BIN1: variants seen among roughly 807,000 people sequenced by gnomAD.
The protein encoded by BIN1 is myc box-dependent-interacting protein 1.
BIN1 carries 53 observed loss-of-function variants against 82.0 expected under a neutral mutation model. That is an observed-to-expected ratio of 0.65 (90% confidence interval 0.52 to 0.81). BIN1 has a LOEUF of 0.81. BIN1 is among the 40% of genes least tolerant of loss of function. BIN1 has a pLI of 0.00. For synonymous variants in BIN1, 302 were observed against 328.0 expected, an observed-to-expected ratio of 0.92 and a Z score of 0.86; for missense variants, 642 against 784.4, an observed-to-expected ratio of 0.82 and a Z score of 2.17.
intron 1 of BIN1, among the ~76,000 whole-genome samples, chr2:127,099,350 A>ATGTG (rs3033389): frequency 0.22 from 32,253 of 149,384 alleles, 3,556 homozygotes; most frequent in Admixed American, 0.29. Context: ...CCCAGGGTGC[A>ATGTG]TGTGTGTGTG....
intron 7 of BIN1, chr2:127,065,068 C>T (rs1213491476): frequency 1.3e-5 from 2 of 152,314 alleles, no homozygotes; most frequent in East Asian, 1.9e-4. Context: ...GCCAGATGGC[C>T]GGAAGGCCAC....
At position 127,082,058 on chromosome 2, in the gene BIN1, C is replaced by T. The variant is rs557112832; in HGVS notation, c.85-5352G>A. On this transcript the variant is annotated intron_variant, in intron 1 of 18. Coordinates refer to ENST00000316724, the MANE Select transcript of BIN1 (RefSeq NM_139343.3). This position sits in a 1 kb window ranked among gnomAD's most constrained non-coding sequence, Gnocchi z 6.1. Reference sequence around the variant, plus strand: ...GGCCACTGTCAGACACCCGGCCAGGCTTTCTCTGGGCCCAGTCCCGAGGGA... The same window carrying T: ...GGCCACTGTCAGACACCCGGCCAGGTTTTCTCTGGGCCCAGTCCCGAGGGA... Among the ~76,000 whole-genome samples the T allele has an allele frequency of 1.3e-5, 2 of 152,268 alleles. No homozygotes were observed. Among genetic ancestry groups the T allele is most frequent in the East Asian group, 3.9e-4 (2 of 5,176 alleles).
Position 127,107,086 on chromosome 2 carries a change from G to T in BIN1, c.-143C>A, listed in dbSNP as rs933122224. 13 of 874,314 alleles carry T rather than the reference G, an allele frequency of 1.5e-5. No individual in the cohort carries two copies. The South Asian group carries it at 3.5e-4, about 23-fold the overall frequency. The allele number at this position is 874,314 out of a possible 1,614,324, so 54.2% of individuals were successfully genotyped here. A position where few individuals can be genotyped will look rare whatever the true frequency, so the allele number is the denominator to read the frequency against. ...GCACCCGACAGCGGAGCCAACTGAC[G>T]GAGGCGGAGCGTGCGCCGGACGGGC... On this transcript the variant is annotated 5_prime_UTR_variant, in exon 1 of 19. Transcript: ENST00000316724. The surrounding 1 kb of genome is among the most constrained non-coding windows in gnomAD (Gnocchi z 5.9).
chr2:127,064,990 C>G (rs1684965046), intron 7 of BIN1: 1 of 152,288 alleles, frequency 6.6e-6, no homozygotes, highest in South Asian at 2.1e-4. Context: ...AGGGAAACTT[C>G]CCGCCAGCAG....
chr2:127,087,323 A>C (rs1347080283), intron 1 of BIN1, among the ~76,000 whole-genome samples: 1 of 152,164 alleles, frequency 6.6e-6, no homozygotes, highest in Non-Finnish European at 1.5e-5. Context: ...CTGGAAGGGA[A>C]GGCTCCCGCC....
chr2:127,062,573 C>T (rs893952413), intron 9 of BIN1, among the ~76,000 whole-genome samples: 1 of 152,190 alleles, frequency 6.6e-6, no homozygotes, highest in Non-Finnish European at 1.5e-5. Flanking sequence ...GACCACACTA[C>T]AACTGCCAGA....
At position 127,057,625 on chromosome 2, in the gene BIN1, G is replaced by A; in HGVS notation, c.1003-24C>T. On this transcript the variant is annotated intron_variant, in intron 11 of 18. Transcript: ENST00000316724. This position sits in a 1 kb window ranked among gnomAD's most constrained non-coding sequence, Gnocchi z 5.0. ...AGCTGTGGGTCGGCGGCGGGTGAGG[G>A]GCCGCGCGGGAAGGCACAGCAGAGC... is the stretch of plus-strand genomic sequence containing the variant. The A allele has an allele frequency of 6.7e-7, 1 of 1,501,102 alleles. No homozygotes were observed. The allele number at this position is 1,501,102 out of a possible 1,614,324, so 93.0% of individuals were successfully genotyped here.
Position 127,067,449 on chromosome 2 carries a change from G to A in BIN1, c.612+714C>T, listed in dbSNP as rs1184113486. On this transcript the variant is annotated intron_variant, in intron 7 of 18. Transcript: ENST00000316724. The surrounding 1 kb of genome is among the most constrained non-coding windows in gnomAD (Gnocchi z 4.7). ...GCCTCTATGGCCAGGATGGTGAGAT[G>A]GCCCAGGAGTTTTGTAAAAAAGCCT... is the stretch of plus-strand genomic sequence containing the variant. Among the ~76,000 whole-genome samples the A allele has an allele frequency of 6.6e-6, 1 of 152,160 alleles. No individual in the cohort carries two copies. Among genetic ancestry groups the A allele is most frequent in the Non-Finnish European group, 1.5e-5 (1 of 68,014 alleles).
chr2:127,052,613 C>G (rs1277355651), intron 14 of BIN1: 1 of 543,026 alleles, frequency 1.8e-6, no homozygotes, highest in Non-Finnish European at 3.3e-6. Flanking sequence ...TCAAAATGGC[C>G]CTACCAGCTC....
intron 8 of BIN1, 83 bp downstream of exon 8, chr2:127,063,850 G>T: frequency 6.4e-7 from 1 of 1,562,590 alleles, no homozygotes; most frequent in Non-Finnish European, 8.8e-7. Flanking sequence ...ACGCAGGCTG[G>T]GCACCACAGC....
intron 1 of BIN1, among the ~76,000 whole-genome samples, chr2:127,101,228 T>C (rs1048300085): frequency 6.6e-6 from 1 of 152,116 alleles, no homozygotes; most frequent in Non-Finnish European, 1.5e-5. Flanking sequence ...ATCTGCACTC[T>C]TAATCCTAAA....
intron 9 of BIN1, among the ~76,000 whole-genome samples, chr2:127,063,003 G>C (rs1684697996): frequency 6.6e-6 from 1 of 152,138 alleles, no homozygotes; most frequent in African/African-American, 2.4e-5. Context: ...CCCACCACTG[G>C]GGGCGGGGGT....
chr2:127,054,363 A>T (rs752434122), intron 12 of BIN1: 7 of 344,050 alleles, frequency 2.0e-5, no homozygotes, highest in Non-Finnish European at 3.9e-5. Flanking sequence ...GCCACCATCC[A>T]CAGACTGGTG....
chr2:127,075,394 C>G (rs1686449661), intron 2 of BIN1, among the ~76,000 whole-genome samples: 1 of 152,076 alleles, frequency 6.6e-6, no homozygotes, highest in Admixed American at 6.5e-5. Flanking sequence ...GAACCTAAGA[C>G]CAGGTTTCTT....
chr2:127,053,261 C>T, intron 14 of BIN1, 161 bp downstream of exon 14: 1 of 1,071,500 alleles, frequency 9.3e-7, no homozygotes, highest in Non-Finnish European at 1.4e-6. Flanking sequence ...AGGCGGGTGG[C>T]TTCACCAGCT....
chr2:127,071,093 C>T (rs752256792), intron 2 of BIN1, among the ~76,000 whole-genome samples: 17 of 152,160 alleles, frequency 1.1e-4, no homozygotes, highest in Non-Finnish European at 2.5e-4. Context: ...GACCCCCCTC[C>T]GAGATGACGT....
intron 1 of BIN1, among the ~76,000 whole-genome samples, chr2:127,092,459 G>C (rs1223011783): frequency 6.6e-6 from 1 of 152,148 alleles, no homozygotes; most frequent in Non-Finnish European, 1.5e-5. Context: ...GGAGCAACAG[G>C]GCCCACAGAG....
rs1682852079 is a variant in BIN1 at position 127,050,921 on chromosome 2, A to G, written c.1462-9T>C. 1 of 1,612,790 alleles carries G rather than the reference A, an allele frequency of 6.2e-7. No individual in the cohort carries two copies. Among genetic ancestry groups the G allele is most frequent in the Non-Finnish European group, 8.5e-7 (1 of 1,178,948 alleles). ...ACAGCAGGAAGAGAGCTCTGGTGGC[A>G]GAGGTACGGGTCAGCTGAGCAGGGA... On this transcript the variant is annotated splice_polypyrimidine_tract_variant and intron_variant, in intron 16 of 18. Coordinates refer to ENST00000316724, the MANE Select transcript of BIN1 (RefSeq NM_139343.3).
Position 127,090,542 on chromosome 2 carries a change from C to G in BIN1, c.85-13836G>C, listed in dbSNP as rs1678787857. Among the ~76,000 whole-genome samples, 1 of 152,244 alleles carries G rather than the reference C, an allele frequency of 6.6e-6. No individual in the cohort carries two copies. The highest frequency in any genetic ancestry group is 6.5e-5 in the Admixed American group (1 of 15,288). ...GCGGGTGCTATTCTCAGCCCAGCTC[C>G]AGGACACTGGCCATAAACACACGGT... is the stretch of plus-strand genomic sequence containing the variant. On this transcript the variant is annotated intron_variant, in intron 1 of 18. Transcript: ENST00000316724. The surrounding 1 kb of genome is among the most constrained non-coding windows in gnomAD (Gnocchi z 6.4).
Sources: gnomAD v4.1 joint callset for allele counts (sites outside exome capture counted in the v4.1 genomes callset) on GRCh38, gnomAD v4.1.1 for gene constraint, Gnocchi (gnomAD v3.1) non-coding constraint, MANE v1.5 for transcripts, NCBI Gene and HGNC (gene_info 2026-07-23, HGNC 2026-07-21) for gene names.